Variants in MRTFA observed in about 807,000 individuals in gnomAD.
MRTFA encodes the protein myocardin-related transcription factor A.
A neutral mutation model predicts 83.5 loss-of-function variants in MRTFA; 20 were observed. The ratio of observed to expected loss-of-function variants is 0.24; its 90% CI spans 0.17 to 0.35. The LOEUF (loss-of-function observed/expected upper bound fraction) is 0.35, where lower values mean the gene tolerates loss of function less well. MRTFA is among the 10% of genes least tolerant of loss of function. MRTFA has a pLI of 1.00. For synonymous variants in MRTFA, 659 were observed against 541.2 expected, an observed-to-expected ratio of 1.22 and a Z score of -3.02; for missense variants, 1,200 against 1,224.7, an observed-to-expected ratio of 0.98 and a Z score of 0.30.
chr22:40,558,207 C>T (rs1393534213), intron 2 of MRTFA, among the ~76,000 whole-genome samples: 1 of 150,610 alleles, frequency 6.6e-6, no homozygotes, highest in Admixed American at 6.6e-5. Flanking sequence ...CCCATCAGTC[C>T]CACAAGTAGC....
intron 14 of MRTFA, 132 bp from the exon 15 acceptor site, chr22:40,412,039 G>C (rs1405677764): frequency 1.4e-6 from 1 of 709,180 alleles, no homozygotes; most frequent in Non-Finnish European, 2.1e-6. Context: ...TTACTTAAAT[G>C]TAAGAGCTAA....
At chr22:40,530,386 T>G (rs1002522738) in intron 3 of MRTFA, among the ~76,000 whole-genome samples, 16 of 152,330 alleles carry the variant, frequency 1.1e-4, no homozygotes, top group Middle Eastern at 3.4e-3. Flanking sequence ...AGCCTCTGCC[T>G]CCCAGGTTCA....
At chr22:40,527,308 C>T (rs1317081515) in intron 3 of MRTFA, among the ~76,000 whole-genome samples, 1 of 152,032 alleles carries the variant, frequency 6.6e-6, no homozygotes, top group East Asian at 1.9e-4. Flanking sequence ...GAGATTAATG[C>T]CCCAGACCTC....
chr22:40,458,861 T>C (rs1322028697), intron 4 of MRTFA, among the ~76,000 whole-genome samples: 1 of 151,966 alleles, frequency 6.6e-6, no homozygotes, highest in Non-Finnish European at 1.5e-5. Flanking sequence ...GCAGATCACT[T>C]GAGGTCAGGA....
At chr22:40,459,885 C>G (rs892507752) in intron 4 of MRTFA, among the ~76,000 whole-genome samples, 8 of 132,094 alleles carry the variant, frequency 6.1e-5, no homozygotes, top group Non-Finnish European at 1.3e-4. Flanking sequence ...GATACTTTCT[C>G]AAGGAGATCA....
rs1359717938 is a variant in MRTFA, at chr22:40,411,826, A to AG, written c.2659dup (p.Leu887ProfsTer10). On this transcript the variant is annotated frameshift_variant, in exon 15 of 15. Transcript: ENST00000355630. LOFTEE classifies it high-confidence loss of function. ...AGCAGAAGGTGATGGCTGTGCTGCC[A>AG]GGGGGGACCCACAGACTGTCTTCGG... is the stretch of plus-strand genomic sequence containing the variant. 2 of 1,514,478 alleles carry AG rather than the reference A, an allele frequency of 1.3e-6. No homozygotes were observed. The highest frequency in any genetic ancestry group is 8.9e-7 in the Non-Finnish European group (1 of 1,128,420). 93.8% of individuals were successfully genotyped at this position (1,514,478 alleles called of 1,614,324 possible).
chr22:40,455,817 T>TATGTATGTATGC (rs1186707501), intron 4 of MRTFA, among the ~76,000 whole-genome samples: 2 of 150,596 alleles, frequency 1.3e-5, no homozygotes, highest in Admixed American at 6.7e-5. Flanking sequence ...TGTATGTATG[T>TATGTATGTATGC]ATGTATGTAT....
chr22:40,576,325 C>T (rs1011896358), intron 2 of MRTFA, among the ~76,000 whole-genome samples: 7 of 152,172 alleles, frequency 4.6e-5, no homozygotes, highest in African/African-American at 1.7e-4. Flanking sequence ...GCTACCGCAC[C>T]CAGCCTAAAG....
chr22:40,417,497 G>T lies in MRTFA; in HGVS notation c.2365-4C>A, dbSNP rs967816703. The T allele has an allele frequency of 7.4e-6, 10 of 1,353,904 alleles. No homozygotes were observed. The highest frequency in any genetic ancestry group is 2.2e-5 in the Admixed American group (1 of 46,210). The allele number at this position is 1,353,904 out of a possible 1,614,324, so 83.9% of individuals were successfully genotyped here. A position where few individuals can be genotyped will look rare whatever the true frequency, so the allele number is the denominator to read the frequency against. On this transcript the variant is annotated splice_region_variant and splice_polypyrimidine_tract_variant and intron_variant, in intron 12 of 14. Coordinates refer to ENST00000355630, the MANE Select transcript of MRTFA (RefSeq NM_020831.6). ...GAGAGCCAGGCTGGGACGAGGGCTG[G>T]ACAGGAGAGCAGGGAGAGGACCAGT... is the stretch of plus-strand genomic sequence containing the variant.
At chr22:40,506,222 G>A (rs374783521) in intron 3 of MRTFA, among the ~76,000 whole-genome samples, 53 of 152,190 alleles carry the variant, frequency 3.5e-4, no homozygotes, top group African/African-American at 1.1e-3. Flanking sequence ...CAGCCTGGGC[G>A]ACAGAGCGAG....
At chr22:40,505,553 A>C (rs1211597601) in intron 3 of MRTFA, among the ~76,000 whole-genome samples, 1 of 152,258 alleles carries the variant, frequency 6.6e-6, no homozygotes, top group Non-Finnish European at 1.5e-5. Context: ...CATGGTTTGA[A>C]TATGTCCCCT....
chr22:40,503,613 G>A (rs1013790411), intron 3 of MRTFA, among the ~76,000 whole-genome samples: 4 of 152,220 alleles, frequency 2.6e-5, no homozygotes, highest in African/African-American at 9.7e-5. Flanking sequence ...AGGCTGTACT[G>A]CAAAGAAGGC....
At chr22:40,472,639 T>C (rs2053935238) in intron 3 of MRTFA, among the ~76,000 whole-genome samples, 1 of 152,256 alleles carries the variant, frequency 6.6e-6, no homozygotes, top group African/African-American at 2.4e-5. Context: ...TGAACACTTC[T>C]AGGAGGTGTC....
intron 1 of MRTFA, among the ~76,000 whole-genome samples, chr22:40,636,080 G>C (rs1416105515): frequency 6.6e-6 from 1 of 152,222 alleles, no homozygotes; most frequent in Non-Finnish European, 1.5e-5. Context: ...GGAATCCCAA[G>C]GACTGCACTT....
intron 1 of MRTFA, among the ~76,000 whole-genome samples, chr22:40,610,043 C>CTTTTTTT (rs966206904): frequency 8.0e-6 from 1 of 124,598 alleles, no homozygotes; most frequent in Non-Finnish European, 1.7e-5. Flanking sequence ...TTTTTTTTCT[C>CTTTTTTT]TTTTTTTTTT....
intron 3 of MRTFA, among the ~76,000 whole-genome samples, chr22:40,515,300 TA>T (rs2054739371): frequency 6.6e-6 from 1 of 152,286 alleles, no homozygotes; most frequent in African/African-American, 2.4e-5. Context: ...ATCCTGGATA[TA>T]AAATGCTAAA....
chr22:40,484,693 A>G (rs2054146153), intron 3 of MRTFA, among the ~76,000 whole-genome samples: 1 of 152,152 alleles, frequency 6.6e-6, no homozygotes, highest in Non-Finnish European at 1.5e-5. Context: ...CTTCAGAAAC[A>G]ATTTCCATAT....
intron 4 of MRTFA, among the ~76,000 whole-genome samples, chr22:40,448,670 T>C (rs1167580536): frequency 1.3e-5 from 2 of 152,112 alleles, no homozygotes; most frequent in Non-Finnish European, 2.9e-5. Context: ...CCTCAGAAAA[T>C]GTCAAAGGGG....
intron 2 of MRTFA, among the ~76,000 whole-genome samples, chr22:40,591,025 C>T (rs1013954257): frequency 1.3e-5 from 2 of 152,130 alleles, no homozygotes; most frequent in Admixed American, 1.3e-4. Flanking sequence ...GTCCCAGCTA[C>T]TCAGGAGGCT....
Sources: gnomAD v4.1 joint callset for allele counts (sites outside exome capture counted in the v4.1 genomes callset) on GRCh38, gnomAD v4.1.1 for gene constraint, MANE v1.5 for transcripts, NCBI Gene and HGNC (gene_info 2026-07-23, HGNC 2026-07-21) for gene names.